TDP1: variants seen among roughly 807,000 people sequenced by gnomAD.
TDP1 encodes tyr-DNA phosphodiesterase 1.
Under a neutral mutation model 81.5 loss-of-function variants are expected in TDP1, and 64 were observed. The ratio of observed to expected loss-of-function variants is 0.79; its 90% CI spans 0.64 to 0.97. TDP1 has a LOEUF of 0.97. Ranked by LOEUF, TDP1 falls within the 50% of genes least tolerant of loss-of-function variation. TDP1 has a pLI of 0.00. For synonymous variants in TDP1, 256 were observed against 264.3 expected, an observed-to-expected ratio of 0.97 and a Z score of 0.30; for missense variants, 723 against 743.8, an observed-to-expected ratio of 0.97 and a Z score of 0.33.
intron 6 of TDP1, chr14:89,975,514 A>G (rs1389960374): frequency 1.0e-6 from 1 of 959,702 alleles, no homozygotes; most frequent in Non-Finnish European, 1.2e-6. Context: ...TCTCAGTCCT[A>G]ATTACTGTAA....
At chr14:89,988,744 AAAG>A (rs913033234) in intron 10 of TDP1, 158 bp from the exon 11 acceptor site, 9 of 984,542 alleles carry the variant, frequency 9.1e-6, no homozygotes, top group African/African-American at 7.0e-5. Flanking sequence ...AAAATTTCCC[AAAG>A]AAGAAGTATG....
intron 12 of TDP1, 50 bp from the exon 13 acceptor site, chr14:89,991,867 T>C: frequency 6.5e-7 from 1 of 1,532,758 alleles, no homozygotes; most frequent in Non-Finnish European, 8.9e-7. Context: ...TAATGAGGGA[T>C]CCTCAAATTA....
chr14:89,983,293 G>T (rs1895197691), intron 8 of TDP1: 1 of 361,882 alleles, frequency 2.8e-6, no homozygotes, highest in African/African-American at 2.1e-5. Flanking sequence ...TCAGCTAGTC[G>T]ATCTGGGTCC....
At chr14:90,025,371 G>A (rs765368722) in intron 15 of TDP1, among the ~76,000 whole-genome samples, 3 of 152,120 alleles carry the variant, frequency 2.0e-5, no homozygotes, top group Non-Finnish European at 2.9e-5. Flanking sequence ...ATAAGTCGCT[G>A]GTACCATGTG....
At chr14:89,987,930 A>G (rs1390351233) in intron 10 of TDP1, among the ~76,000 whole-genome samples, 1 of 152,198 alleles carries the variant, frequency 6.6e-6, no homozygotes, top group African/African-American at 2.4e-5. Flanking sequence ...TGAGGGCTCC[A>G]TCCCACAAGA....
chr14:90,013,895 CTTG>C (rs1357053800), intron 14 of TDP1, among the ~76,000 whole-genome samples: 1 of 152,086 alleles, frequency 6.6e-6, no homozygotes, highest in Non-Finnish European at 1.5e-5. Context: ...TAAGAAGTGA[CTTG>C]TTCCCCCTTG....
rs534128473 is a variant in TDP1 at position 90,024,255 on chromosome 14, G to T, written c.1644+4837G>T. On this transcript the variant is annotated intron_variant, in intron 15 of 16. Transcript: ENST00000335725. ...GTGCAGAACTCATGGCTCTCACTAC[G>T]AGCCAGGTCCACCCTGCTAGCCAGC... Among the ~76,000 whole-genome samples, 18 of 152,216 alleles carry T rather than the reference G, an allele frequency of 1.2e-4. No individual in the cohort carries two copies. The South Asian group carries it at 2.9e-3, about 25-fold the overall frequency.
At chr14:89,957,884 G>C (rs2139891830) in intron 2 of TDP1, among the ~76,000 whole-genome samples, 2 of 152,296 alleles carry the variant, frequency 1.3e-5, no homozygotes, top group South Asian at 4.1e-4. Flanking sequence ...CTCCAGCCCT[G>C]GGCTGGCTGC....
At chr14:89,967,490 T>C in intron 5 of TDP1, 68 bp downstream of exon 5, 1 of 1,350,864 alleles carries the variant, frequency 7.4e-7, no homozygotes, top group South Asian at 1.2e-5. Flanking sequence ...AGATTTGTAT[T>C]TCTCAGGTGA....
rs1895872562 is a variant in TDP1, at chr14:89,988,976, T to TG, written c.1205dup (p.Ser403LeufsTer6). On this transcript the variant is annotated frameshift_variant, in exon 11 of 17. Coordinates refer to ENST00000335725, the MANE Select transcript of TDP1 (RefSeq NM_018319.4). LOFTEE classifies it high-confidence loss of function. Reference sequence around the variant, plus strand: ...CTGTCGTAGGTCAGTTTTCAAGCGTTGGCTCCTTGGGAGCCGATGAATCAA... The same window carrying TG: ...CTGTCGTAGGTCAGTTTTCAAGCGTTGGGCTCCTTGGGAGCCGATGAATCAA... 1 of 1,614,188 alleles carries TG rather than the reference T, an allele frequency of 6.2e-7. No homozygotes were observed. Among genetic ancestry groups the TG allele is most frequent in the Non-Finnish European group, 8.5e-7 (1 of 1,179,992 alleles).
rs967133285 is a variant in TDP1, at chr14:89,955,978, T to C, written c.-231+8T>C. On this transcript the variant is annotated splice_region_variant and intron_variant, in intron 1 of 16. Coordinates refer to ENST00000335725, the MANE Select transcript of TDP1 (RefSeq NM_018319.4). ...TGGTTCTGTGCGCCTCAGGTACGTG[T>C]TGGGCGGCAGTGGGCGCGGACTCGG... The C allele has an allele frequency of 6.6e-6, 1 of 152,530 alleles. No homozygotes were observed. The highest frequency in any genetic ancestry group is 1.5e-5 in the Non-Finnish European group (1 of 68,322). The allele number at this position is 152,530 out of a possible 1,614,324, so 9.4% of individuals were successfully genotyped here.
rs890943237 is a variant in TDP1, at chr14:89,975,588, T to G, written c.757-193T>G. The G allele has an allele frequency of 1.2e-3, 839 of 716,108 alleles. 1 individual carries two copies. The highest frequency in any genetic ancestry group is 3.4e-3 in the African/African-American group (172 of 50,566). 44.4% of individuals were successfully genotyped at this position (716,108 alleles called of 1,614,324 possible). A position where few individuals can be genotyped will look rare whatever the true frequency, so the allele number is the denominator to read the frequency against. On this transcript the variant is annotated intron_variant, in intron 6 of 16. Transcript: ENST00000335725. ...CTGGGTAACAAAATTTGTGTTTTTT[T>G]TTTTTTTTTTTTTAATGAGCGTCCC...
intron 15 of TDP1, chr14:90,022,708 C>T: frequency 1.0e-6 from 1 of 981,426 alleles, no homozygotes; most frequent in Non-Finnish European, 1.2e-6. Context: ...TATATCACAA[C>T]ATCTATGTTG....
At chr14:89,970,753 G>T in intron 5 of TDP1, 1 of 933,502 alleles carries the variant, frequency 1.1e-6, no homozygotes, top group Non-Finnish European at 1.3e-6. Flanking sequence ...TACAAAGGCC[G>T]GAAACATATC....
At chr14:90,027,960 C>G (rs1886851235) in intron 15 of TDP1, among the ~76,000 whole-genome samples, 1 of 152,210 alleles carries the variant, frequency 6.6e-6, no homozygotes, top group South Asian at 2.1e-4. Context: ...GCTGATACTC[C>G]ATGGGTTTTC....
intron 12 of TDP1, chr14:89,991,414 GCTTTA>G: frequency 3.7e-6 from 1 of 273,944 alleles, no homozygotes; most frequent in Non-Finnish European, 5.6e-6. Flanking sequence ...GCTCTATTCT[GCTTTA>G]CTTGGTGCGT....
chr14:90,033,829 C>T (rs771929567), intron 16 of TDP1, among the ~76,000 whole-genome samples: 1 of 152,060 alleles, frequency 6.6e-6, no homozygotes, highest in Non-Finnish European at 1.5e-5. Flanking sequence ...CCTTGGAGGC[C>T]GAGGCAGGAA....
chr14:89,965,779 G>T (rs1262712128), intron 3 of TDP1: 3 of 985,182 alleles, frequency 3.0e-6, no homozygotes, highest in Non-Finnish European at 3.6e-6. Flanking sequence ...CTAGTCTTGA[G>T]TTGGGAGATT....
At chr14:90,000,707 C>G (rs1596603097) in intron 14 of TDP1, among the ~76,000 whole-genome samples, 1 of 152,122 alleles carries the variant, frequency 6.6e-6, no homozygotes. Flanking sequence ...TTTCCTGGTT[C>G]GATTTACCCA....
Sources: gnomAD v4.1 joint callset for allele counts (sites outside exome capture counted in the v4.1 genomes callset) on GRCh38, gnomAD v4.1.1 for gene constraint, MANE v1.5 for transcripts, NCBI Gene and HGNC (gene_info 2026-07-23, HGNC 2026-07-21) for gene names.